Variants in LRRC37A2 observed in about 807,000 individuals in gnomAD.
The protein encoded by LRRC37A2 is leucine-rich repeat-containing protein 37A2.
In LRRC37A2, 9 loss-of-function variants were observed where a neutral mutation model predicts 68.8. The observed-to-expected ratio is 0.13, with a 90% confidence interval of 0.08 to 0.23. The LOEUF (loss-of-function observed/expected upper bound fraction) is 0.23. Ranked by LOEUF, LRRC37A2 falls within the 10% of genes least tolerant of loss-of-function variation. The probability of loss-of-function intolerance (pLI) is 1.00; values close to 1 mark genes in which losing one functional copy is unlikely to be tolerated. For missense variants in LRRC37A2, 168 were observed against 950.4 expected, an observed-to-expected ratio of 0.18 and a Z score of 10.82; for synonymous variants, 63 against 367.6, an observed-to-expected ratio of 0.17 and a Z score of 9.48.
the LRRC37A2 span, among the ~76,000 whole-genome samples, chr17:46,837,054 T>C: frequency 6.6e-6 from 1 of 152,156 alleles, no homozygotes; most frequent in African/African-American, 2.4e-5. Context: ...GCAATTCTCC[T>C]GCCTCAGCCT....
the LRRC37A2 span, among the ~76,000 whole-genome samples, chr17:46,732,665 C>G: frequency 1.1e-4 from 16 of 152,154 alleles, no homozygotes; most frequent in African/African-American, 3.9e-4. Flanking sequence ...AAAACATCAT[C>G]ACATTTTGTT....
chr17:46,771,442 G>T, the LRRC37A2 span, among the ~76,000 whole-genome samples: 1 of 150,496 alleles, frequency 6.6e-6, no homozygotes, highest in African/African-American at 2.4e-5. Context: ...CTCTCGCGGC[G>T]GCAGCGGCGC....
the LRRC37A2 span, among the ~76,000 whole-genome samples, chr17:46,490,672 C>T: frequency 3.4e-5 from 5 of 147,020 alleles, no homozygotes; most frequent in South Asian, 2.1e-4. Flanking sequence ...TGCAGTGAGC[C>T]GATATCATGC....
At chr17:46,971,688 G>A in the LRRC37A2 span, among the ~76,000 whole-genome samples, 4 of 152,300 alleles carry the variant, frequency 2.6e-5, no homozygotes, top group African/African-American at 9.6e-5. Flanking sequence ...AAGGTGAAGC[G>A]ACTTTCTCTG....
chr17:46,543,925 T>G (rs2055888681), intron 8 of LRRC37A2, among the ~76,000 whole-genome samples: 1 of 146,460 alleles, frequency 6.8e-6, no homozygotes, highest in African/African-American at 2.7e-5. Context: ...GAGACCAGCC[T>G]GGACAACATG....
chr17:46,717,192 C>T, the LRRC37A2 span, among the ~76,000 whole-genome samples: 1 of 152,018 alleles, frequency 6.6e-6, no homozygotes. Flanking sequence ...TCATTTGCAA[C>T]AACATGGATG....
At chr17:46,845,225 G>A in the LRRC37A2 span, among the ~76,000 whole-genome samples, 5 of 152,062 alleles carry the variant, frequency 3.3e-5, no homozygotes, top group East Asian at 3.9e-4. Flanking sequence ...ACACCCCAAC[G>A]TAGAGTCTTT....
At chr17:46,500,601 G>A in the LRRC37A2 span, among the ~76,000 whole-genome samples, 6 of 150,830 alleles carry the variant, frequency 4.0e-5, no homozygotes, top group Non-Finnish European at 7.3e-5. Context: ...TGCAGATCCT[G>A]ATTTAGTAGG....
At chr17:46,728,993 A>T in the LRRC37A2 span, 1 of 1,030,778 alleles carries the variant, frequency 9.7e-7, no homozygotes, top group Non-Finnish European at 1.5e-6. Flanking sequence ...TAAATCGCAT[A>T]TAATGATACA....
chr17:47,035,775 T>A, the LRRC37A2 span, among the ~76,000 whole-genome samples: 1 of 152,238 alleles, frequency 6.6e-6, no homozygotes, highest in Non-Finnish European at 1.5e-5. Context: ...TACACTTCCA[T>A]CTGCAGTGTT....
the LRRC37A2 span, chr17:46,755,914 C>T: frequency 4.7e-6 from 6 of 1,285,982 alleles, no homozygotes; most frequent in Admixed American, 2.0e-5. Flanking sequence ...AGATACTGGA[C>T]TAAGTGGAAC....
At chr17:47,020,012 C>T in the LRRC37A2 span, among the ~76,000 whole-genome samples, 33 of 148,076 alleles carry the variant, frequency 2.2e-4, no homozygotes, top group Admixed American at 2.1e-3. Flanking sequence ...GTCTTTTACT[C>T]GTTTTCGTAT....
At chr17:46,846,246 AG>A in the LRRC37A2 span, among the ~76,000 whole-genome samples, 37 of 152,226 alleles carry the variant, frequency 2.4e-4, no homozygotes, top group African/African-American at 8.7e-4. Flanking sequence ...AATCAGAGGC[AG>A]GGTTTGTAGC....
At chr17:46,764,055 A>C in the LRRC37A2 span, 1 of 152,168 alleles carries the variant, frequency 6.6e-6, no homozygotes, top group South Asian at 2.1e-4. Context: ...ACTGCCACGG[A>C]CCTTCCTACC....
intron 8 of LRRC37A2, among the ~76,000 whole-genome samples, chr17:46,545,479 TAATA>T (rs1366032439): frequency 1.7e-5 from 2 of 116,396 alleles, no homozygotes; most frequent in African/African-American, 8.8e-5. Flanking sequence ...CCTTGGTAAT[TAATA>T]AATAATCTGT....
At chr17:46,982,987 GT>G in the LRRC37A2 span, among the ~76,000 whole-genome samples, 2 of 152,192 alleles carry the variant, frequency 1.3e-5, no homozygotes, top group Non-Finnish European at 2.9e-5. Flanking sequence ...TAAGTAATTG[GT>G]TAGGGGAGCA....
the LRRC37A2 span, among the ~76,000 whole-genome samples, chr17:46,821,744 G>A: frequency 6.6e-6 from 1 of 152,186 alleles, no homozygotes; most frequent in South Asian, 2.1e-4. Context: ...CCTGGGAAGG[G>A]GACCCCAGTC....
the LRRC37A2 span, among the ~76,000 whole-genome samples, chr17:46,497,085 G>T: frequency 1.1e-4 from 15 of 131,832 alleles, no homozygotes; most frequent in Non-Finnish European, 1.7e-4. Flanking sequence ...ATAGAGATGG[G>T]GTTTTGCCAT....
chr17:46,862,017 G>A, the LRRC37A2 span, among the ~76,000 whole-genome samples: 1 of 152,038 alleles, frequency 6.6e-6, no homozygotes, highest in Non-Finnish European at 1.5e-5. Flanking sequence ...TACAAAAATA[G>A]CTGGGCGTGG....
Sources: allele counts gnomAD v4.1 joint callset (sites outside exome capture counted in the v4.1 genomes callset), GRCh38; gene constraint gnomAD v4.1.1; transcripts MANE v1.5; gene names NCBI Gene and HGNC (gene_info 2026-07-23, HGNC 2026-07-21).